Variants in DLGAP5 observed in about 807,000 individuals in gnomAD.
The protein encoded by DLGAP5 is disks large-associated protein 5.
Under a neutral mutation model 99.6 loss-of-function variants are expected in DLGAP5, and 90 were observed. That is an observed-to-expected ratio of 0.90 (90% CI 0.76 to 1.08). The LOEUF (loss-of-function observed/expected upper bound fraction) is 1.08. DLGAP5 is among the 50% of genes least tolerant of loss of function. The probability of loss-of-function intolerance (pLI) is 0.00; values close to 1 mark genes in which losing one functional copy is unlikely to be tolerated. For synonymous variants in DLGAP5, 311 were observed against 321.3 expected, an observed-to-expected ratio of 0.97 and a Z score of 0.34; for missense variants, 1,036 against 983.5, an observed-to-expected ratio of 1.05 and a Z score of -0.71.
chr14:55,182,737 C>CCTCT (rs1399100411), intron 3 of DLGAP5, among the ~76,000 whole-genome samples: 1 of 152,136 alleles, frequency 6.6e-6, no homozygotes. Flanking sequence ...CAGTCCTCAG[C>CCTCT]CTGGTACCTG....
rs539323793 is a variant in DLGAP5 at position 55,148,689 on chromosome 14, AAAAC to A, written c.2419-220_2419-217del. The A allele has an allele frequency of 1.8e-4, 151 of 835,588 alleles. No homozygotes were observed. The East Asian group carries it at 2.6e-3, about 14-fold the overall frequency. The allele number at this position is 835,588 out of a possible 1,614,324, so 51.8% of individuals were successfully genotyped here. ...AGCAACATAGCAAGATCCCACCTCA[AAAAC>A]AAACAAACAAGAAACACGTAAACAT... is the stretch of plus-strand genomic sequence containing the variant. On this transcript the variant is annotated intron_variant, in intron 18 of 18. Coordinates refer to ENST00000247191, the MANE Select transcript of DLGAP5 (RefSeq NM_014750.5).
intron 11 of DLGAP5, 45 bp from the exon 12 acceptor site, chr14:55,169,604 A>G: frequency 6.8e-7 from 1 of 1,466,942 alleles, no homozygotes; most frequent in Non-Finnish European, 9.0e-7. Flanking sequence ...ACAAAACGGG[A>G]CATTCATTGC....
At chr14:55,177,366 G>C (rs1451974352) in intron 7 of DLGAP5, 30 bp from the exon 8 acceptor site, 1 of 1,542,512 alleles carries the variant, frequency 6.5e-7, no homozygotes, top group East Asian at 2.3e-5. Context: ...AGTAGAGTAA[G>C]ATTTCTCTCT....
chr14:55,163,113 C>T (rs1024072192), intron 12 of DLGAP5, 38 bp from the exon 13 acceptor site: 4 of 1,322,068 alleles, frequency 3.0e-6, no homozygotes, highest in African/African-American at 3.0e-5. Context: ...TTAATGCTAG[C>T]CATATTAAAG....
In DLGAP5 at chr14:55,150,862, A is replaced by G. The variant is rs767111449; in HGVS notation, c.2369-14T>C. On this transcript the variant is annotated splice_polypyrimidine_tract_variant and intron_variant, in intron 17 of 18. Transcript: ENST00000247191. ...TATCAAATAGTTCTGAAAAACAACA[A>G]AAAAAAACTTTTTAAAGAATATTCT... The G allele has an allele frequency of 6.9e-7, 1 of 1,450,650 alleles. No individual in the cohort carries two copies. Among genetic ancestry groups the G allele is most frequent in the Non-Finnish European group, 9.1e-7 (1 of 1,098,184 alleles). The allele number at this position is 1,450,650 out of a possible 1,614,324, so 89.9% of individuals were successfully genotyped here. A position where few individuals can be genotyped will look rare whatever the true frequency, so the allele number is the denominator to read the frequency against.
At chr14:55,163,138 G>A (rs924472264) in intron 12 of DLGAP5, 63 bp from the exon 13 acceptor site, 9 of 959,670 alleles carry the variant, frequency 9.4e-6, no homozygotes, top group Non-Finnish European at 1.2e-5. Flanking sequence ...AAACGAATGA[G>A]CTGAAGACTA....
Position 55,152,588 on chromosome 14 carries a change from A to G in DLGAP5, c.2121+2T>C, listed in dbSNP as rs149693049. 3.7e-6 allele frequency: 6 copies of G among 1,600,662 alleles called. No homozygotes were observed. The African/African-American group carries it at 8.0e-5, about 21-fold the overall frequency. The stretch of plus-strand genomic sequence containing the variant: ...ATCTAACCACACTGGAATTGTACTT[A>G]CATGATTTTCTTCAATTAAATCTGG... On this transcript the variant is annotated splice_donor_variant, in intron 16 of 18. Transcript: ENST00000247191. LOFTEE classifies it high-confidence loss of function.
At chr14:55,156,713 C>A (rs879281943) in intron 14 of DLGAP5, among the ~76,000 whole-genome samples, 1 of 151,446 alleles carries the variant, frequency 6.6e-6, no homozygotes, top group Non-Finnish European at 1.5e-5. Flanking sequence ...AGACAGAAAC[C>A]AAAAACAACT....
intron 8 of DLGAP5, 151 bp from the exon 9 acceptor site, chr14:55,176,169 A>T: frequency 1.7e-6 from 1 of 594,500 alleles, no homozygotes; most frequent in Non-Finnish European, 2.7e-6. Flanking sequence ...AGAAAATGTA[A>T]ACACCTATAG....
Position 55,151,818 on chromosome 14 carries a change from C to A in DLGAP5, c.2245G>T (p.Val749Leu), listed in dbSNP as rs931170692. 25 of 1,614,000 alleles carry A rather than the reference C, an allele frequency of 1.5e-5. No homozygotes were observed. The highest frequency in any genetic ancestry group is 2.1e-5 in the Non-Finnish European group (25 of 1,179,964). Residue 749 changes from valine (V) to leucine (L), a missense_variant, in exon 17 of 19, where the codon GTG (valine) becomes TTG (leucine). By Grantham distance (32) the Val-to-Leu change is conservative (BLOSUM62 1). Coordinates refer to ENST00000247191, the MANE Select transcript of DLGAP5 (RefSeq NM_014750.5). ...GAAGAATTCAGTTCCATTCCTTCCACAACATCTGAAATTCCTTCTTTTTTG... is the reference window on the plus strand; with the variant it reads ...GAAGAATTCAGTTCCATTCCTTCCAAAACATCTGAAATTCCTTCTTTTTTG... The part of the protein sequence containing the change: ...TNKKEGISDV[V>L]EGMELNSSIT...
At position 55,163,585 on chromosome 14, in the gene DLGAP5, C is replaced by T. The variant is rs138484205; in HGVS notation, c.1549-510G>A. Among the ~76,000 whole-genome samples, 631 of 152,234 alleles carry T rather than the reference C, an allele frequency of 4.1e-3. 1 individual carries two copies. Among genetic ancestry groups the T allele is most frequent in the African/African-American group, 0.014 (568 of 41,554 alleles). On this transcript the variant is annotated intron_variant, in intron 12 of 18. Transcript: ENST00000247191. ...TATGGTAGGAGTATGTTTAGTTTTGCGAGTGACTGCCAAACTGTCTTCTAA... is the reference window on the plus strand; with the variant it reads ...TATGGTAGGAGTATGTTTAGTTTTGTGAGTGACTGCCAAACTGTCTTCTAA...
At position 55,158,752 on chromosome 14, in the gene DLGAP5, AAACTAAC is replaced by A; in HGVS notation, c.1654-18_1654-12del. ...TGAGACAACTTTTTTCTGCAAAGAG[AAACTAAC>A]ATAGTAAAGCTGCCCATTACCATCT... On this transcript the variant is annotated splice_polypyrimidine_tract_variant and intron_variant, in intron 13 of 18. Transcript: ENST00000247191. 1.2e-6 allele frequency: 2 copies of A among 1,603,166 alleles called. No individual in the cohort carries two copies. The highest frequency in any genetic ancestry group is 1.7e-6 in the Non-Finnish European group (2 of 1,170,656).
intron 2 of DLGAP5, among the ~76,000 whole-genome samples, chr14:55,187,802 A>G (rs2139539439): frequency 6.6e-6 from 1 of 152,242 alleles, no homozygotes; most frequent in South Asian, 2.1e-4. Flanking sequence ...GATCCTTTTA[A>G]AACATGAATC....
At chr14:55,155,952 G>C (rs926884170) in intron 14 of DLGAP5, among the ~76,000 whole-genome samples, 1 of 151,912 alleles carries the variant, frequency 6.6e-6, no homozygotes, top group African/African-American at 2.4e-5. Flanking sequence ...TCAGCCGGGT[G>C]TGGTGGCAGG....
chr14:55,189,119 T>C lies in DLGAP5; in HGVS notation c.61A>G (p.Thr21Ala). Residue 21 changes from threonine to alanine, a missense_variant, in exon 2 of 19, where the codon ACT becomes GCT. Physicochemically the swap from Thr to Ala is moderately conservative, Grantham distance 58. Transcript: ENST00000247191. ...AGTGATTTCCTATGAGCAATTTTAG[T>C]TCTAATCATTTCAGTACTTATATCC... is the stretch of plus-strand genomic sequence containing the variant. ...RKDISTEMIR[T>A]KIAHRKSLSQ... 1 of 1,613,978 alleles carries C rather than the reference T, an allele frequency of 6.2e-7. No homozygotes were observed. Among genetic ancestry groups the C allele is most frequent in the Non-Finnish European group, 8.5e-7 (1 of 1,179,966 alleles).
intron 10 of DLGAP5, among the ~76,000 whole-genome samples, 199 bp from the exon 11 acceptor site, chr14:55,170,986 C>G (rs1241562834): frequency 6.6e-6 from 1 of 152,196 alleles, no homozygotes; most frequent in Non-Finnish European, 1.5e-5. Flanking sequence ...GTATGTACAT[C>G]CTTTTATACC....
chr14:55,188,618 C>T (rs1377355495), intron 2 of DLGAP5, among the ~76,000 whole-genome samples: 2 of 151,634 alleles, frequency 1.3e-5, no homozygotes, highest in Non-Finnish European at 2.9e-5. Context: ...TTGTAGATAA[C>T]AGGTTATTAA....
chr14:55,189,333 G>A (rs749603268), intron 1 of DLGAP5, among the ~76,000 whole-genome samples, 153 bp from the exon 2 acceptor site: 30 of 152,198 alleles, frequency 2.0e-4, no homozygotes, highest in South Asian at 4.2e-4. Flanking sequence ...AAAGTGAGAA[G>A]AAGATTATCA....
chr14:55,184,417 G>A (rs985371008), intron 2 of DLGAP5, among the ~76,000 whole-genome samples: 13 of 152,084 alleles, frequency 8.5e-5, no homozygotes, highest in Admixed American at 7.2e-4. Flanking sequence ...TTAACTGCTT[G>A]CTATGTAATA....
Sources: allele counts gnomAD v4.1 joint callset (sites outside exome capture counted in the v4.1 genomes callset), GRCh38; gene constraint gnomAD v4.1.1; transcripts MANE v1.5; gene names NCBI Gene and HGNC (gene_info 2026-07-23, HGNC 2026-07-21).